The following FSTL4 variants were observed in gnomAD, a reference collection of about 807,000 sequenced individuals.
The protein encoded by FSTL4 is follistatin like 4.
Under a neutral mutation model 78.2 loss-of-function variants are expected in FSTL4, and 28 were observed. The observed-to-expected ratio is 0.36, with a 90% CI of 0.27 to 0.49. The LOEUF (loss-of-function observed/expected upper bound fraction) is 0.49, where lower values mean the gene tolerates loss of function less well. FSTL4 is among the 20% of genes least tolerant of loss of function. The pLI is 0.98. For missense variants in FSTL4, 922 were observed against 1,084.9 expected, an observed-to-expected ratio of 0.85 and a Z score of 2.11; for synonymous variants, 422 against 440.5, an observed-to-expected ratio of 0.96 and a Z score of 0.53.
chr5:133,784,920 A>C, the FSTL4 span, among the ~76,000 whole-genome samples: 3 of 152,180 alleles, frequency 2.0e-5, no homozygotes, highest in African/African-American at 7.2e-5. Flanking sequence ...GCTTAACATC[A>C]GTAGGTTCAG....
chr5:133,307,598 T>C (rs1753683823), intron 6 of FSTL4, among the ~76,000 whole-genome samples: 1 of 152,076 alleles, frequency 6.6e-6, no homozygotes, highest in Non-Finnish European at 1.5e-5. Flanking sequence ...TACGGCGATA[T>C]TGACAAGCAA....
chr5:133,671,005 G>C, the FSTL4 span, among the ~76,000 whole-genome samples: 50 of 152,302 alleles, frequency 3.3e-4, no homozygotes, highest in South Asian at 7.5e-3. Flanking sequence ...GAATGAGGAA[G>C]AGGTGATGTT....
At chr5:133,648,706 T>A in the FSTL4 span, among the ~76,000 whole-genome samples, 1 of 152,162 alleles carries the variant, frequency 6.6e-6, no homozygotes, top group Admixed American at 6.5e-5. Flanking sequence ...TTTTAAAAAA[T>A]GGACGACTTT....
At chr5:133,739,895 CT>C in the FSTL4 span, among the ~76,000 whole-genome samples, 3,154 of 138,292 alleles carry the variant, frequency 0.023, 69 homozygotes, top group African/African-American at 0.058. Flanking sequence ...TAAGCTCTGT[CT>C]TTTTTTTTTT....
intron 4 of FSTL4, among the ~76,000 whole-genome samples, chr5:133,353,973 G>A (rs796167323): frequency 6.6e-6 from 1 of 152,214 alleles, no homozygotes; most frequent in Non-Finnish European, 1.5e-5. Context: ...CTGGGGCAGA[G>A]GTCAAGGGGT....
chr5:133,597,783 T>C (rs1760767555), intron 2 of FSTL4, among the ~76,000 whole-genome samples: 1 of 152,108 alleles, frequency 6.6e-6, no homozygotes, highest in African/African-American at 2.4e-5. Context: ...AATGCAGCAA[T>C]GCTCATCCCC....
the FSTL4 span, among the ~76,000 whole-genome samples, chr5:133,678,442 T>C: frequency 6.6e-6 from 1 of 152,072 alleles, no homozygotes; most frequent in East Asian, 1.9e-4. Flanking sequence ...AGGTGGAGTA[T>C]AATAAAAGCA....
In FSTL4 at chr5:133,236,319, T is replaced by C. The variant is rs1223484391; in HGVS notation, c.895-2782A>G. ...GTCCCAAGGCCACTGTTCCCAGATA[T>C]CAACCTCAGGTTGATACCCATTAAT... On this transcript the variant is annotated intron_variant, in intron 7 of 15. Coordinates refer to ENST00000265342, the MANE Select transcript of FSTL4 (RefSeq NM_015082.2). The surrounding 1 kb of genome is among the most constrained non-coding windows in gnomAD (Gnocchi z 5.0). Among the ~76,000 whole-genome samples the C allele has an allele frequency of 3.9e-5, 6 of 152,172 alleles. No individual in the cohort carries two copies. The highest frequency in any genetic ancestry group is 3.4e-3 in the Middle Eastern group (1 of 292).
At chr5:133,674,087 TG>T in the FSTL4 span, among the ~76,000 whole-genome samples, 1 of 152,278 alleles carries the variant, frequency 6.6e-6, no homozygotes, top group South Asian at 2.1e-4. Flanking sequence ...TAGCAAAGGT[TG>T]GGGGCCTGCA....
At chr5:133,342,318 G>C (rs1339948747) in intron 4 of FSTL4, among the ~76,000 whole-genome samples, 1 of 152,170 alleles carries the variant, frequency 6.6e-6, no homozygotes, top group African/African-American at 2.4e-5. Flanking sequence ...AGGGCACCAG[G>C]GGCAGGTTGC....
Position 133,268,118 on chromosome 5 carries a change from T to C in FSTL4, c.728-18542A>G, listed in dbSNP as rs73279936. 4.6e-3 allele frequency among the ~76,000 whole-genome samples: 699 copies of C among 152,290 alleles called. 9 individuals are homozygous for C. The highest frequency in any genetic ancestry group is 0.016 in the African/African-American group (667 of 41,542). ...TCACAACTCAAGCTTTAAAGGGAGTTCACTTGGAAAATCAAGGAGCCAGAG... is the reference window on the plus strand; with the variant it reads ...TCACAACTCAAGCTTTAAAGGGAGTCCACTTGGAAAATCAAGGAGCCAGAG... On this transcript the variant is annotated intron_variant, in intron 6 of 15. Coordinates refer to ENST00000265342, the MANE Select transcript of FSTL4 (RefSeq NM_015082.2).
At chr5:133,621,639 A>G in the FSTL4 span, among the ~76,000 whole-genome samples, 127 of 152,240 alleles carry the variant, frequency 8.3e-4, no homozygotes, top group Non-Finnish European at 1.4e-3. Context: ...AAGACTACAA[A>G]TATGGTGCAA....
chr5:133,344,558 T>A (rs1241596612), intron 4 of FSTL4, among the ~76,000 whole-genome samples: 1 of 152,244 alleles, frequency 6.6e-6, no homozygotes, highest in Non-Finnish European at 1.5e-5. Context: ...CATCTTCCTT[T>A]AATTGCTCAA....
intron 7 of FSTL4, among the ~76,000 whole-genome samples, chr5:133,238,804 T>A (rs182031633): frequency 1.3e-5 from 2 of 152,348 alleles, no homozygotes; most frequent in African/African-American, 2.4e-5. Context: ...TTCTAGTCCC[T>A]CATAGTGAGA....
intron 3 of FSTL4, among the ~76,000 whole-genome samples, chr5:133,544,607 G>A (rs912731001): frequency 2.0e-5 from 3 of 152,006 alleles, no homozygotes; most frequent in Admixed American, 6.6e-5. Flanking sequence ...ATGGGTTCAC[G>A]GCCCAAACCT....
chr5:133,316,454 C>T lies in FSTL4; in HGVS notation c.603+5G>A. On this transcript the variant is annotated splice_donor_5th_base_variant and intron_variant, in intron 5 of 15. Coordinates refer to ENST00000265342, the MANE Select transcript of FSTL4 (RefSeq NM_015082.2). ...CATGTGACTTTCACTGAACACGATG[C>T]CCACCTGAGCCAGTTCGGAGCTGCT... The T allele has an allele frequency of 1.2e-6, 2 of 1,608,880 alleles. No homozygotes were observed. The highest frequency in any genetic ancestry group is 1.1e-5 in the South Asian group (1 of 90,724).
At chr5:133,272,718 T>C (rs1752794115) in intron 6 of FSTL4, among the ~76,000 whole-genome samples, 1 of 152,246 alleles carries the variant, frequency 6.6e-6, no homozygotes, top group African/African-American at 2.4e-5. Flanking sequence ...CCGATTTTAT[T>C]AGTCTGTAAA....
the FSTL4 span, among the ~76,000 whole-genome samples, chr5:133,695,274 C>T: frequency 1.3e-5 from 2 of 152,152 alleles, no homozygotes; most frequent in Non-Finnish European, 2.9e-5. Context: ...TGGTTGCAAA[C>T]AGTTAACCTC....
At chr5:133,641,184 A>G in the FSTL4 span, among the ~76,000 whole-genome samples, 1 of 152,186 alleles carries the variant, frequency 6.6e-6, no homozygotes, top group Admixed American at 6.5e-5. Flanking sequence ...AATGTCACAA[A>G]TAGATCACAA....
Sources: gnomAD v4.1 joint callset for allele counts (sites outside exome capture counted in the v4.1 genomes callset) on GRCh38, gnomAD v4.1.1 for gene constraint, Gnocchi (gnomAD v3.1) non-coding constraint, MANE v1.5 for transcripts, NCBI Gene and HGNC (gene_info 2026-07-23, HGNC 2026-07-21) for gene names.